Variants in SWT1 observed in about 807,000 individuals in gnomAD.
SWT1 encodes the protein SWT1 RNA endoribonuclease homolog.
A neutral mutation model predicts 107.3 loss-of-function variants in SWT1; 33 were observed. That is an observed-to-expected ratio of 0.31 (90% CI 0.23 to 0.41). The LOEUF (loss-of-function observed/expected upper bound fraction) is 0.41. SWT1 is among the 10% of genes least tolerant of loss of function. The pLI, the probability that SWT1 is intolerant of heterozygous loss-of-function variation, is 1.00. For synonymous variants in SWT1, 345 were observed against 348.3 expected, an observed-to-expected ratio of 0.99 and a Z score of 0.11; for missense variants, 898 against 1,028.9, an observed-to-expected ratio of 0.87 and a Z score of 1.74.
In SWT1 at chr1:185,180,434, A is replaced by G. The variant is rs758502778; in HGVS notation, c.1010A>G (p.Gln337Arg). ...PCCSVSSESIQDADQEMQIVE... is the reference protein window; with the variant it reads ...PCCSVSSESIRDADQEMQIVE... ...TGTTCCGTGTCATCTGAAAGTATCCAGGATGCAGATCAAGAGGTTATTGAT... is the reference window on the plus strand; with the variant it reads ...TGTTCCGTGTCATCTGAAAGTATCCGGGATGCAGATCAAGAGGTTATTGAT... Residue 337 changes from glutamine to arginine, a missense_variant, in exon 6 of 19, where the codon CAG (glutamine) becomes CGG (arginine). Transcript: ENST00000367500. The G allele has an allele frequency of 2.5e-6, 4 of 1,612,494 alleles. No homozygotes were observed. The South Asian group carries it at 3.3e-5, about 13-fold the overall frequency.
chr1:185,237,185 G>A (rs1660945470), intron 16 of SWT1, among the ~76,000 whole-genome samples: 1 of 152,112 alleles, frequency 6.6e-6, no homozygotes, highest in Admixed American at 6.5e-5. Context: ...ATTTGACCCA[G>A]CAATCCCGTT....
At chr1:185,281,430 A>C (rs1160790696) in intron 18 of SWT1, 1 of 212,722 alleles carries the variant, frequency 4.7e-6, no homozygotes, top group Non-Finnish European at 9.7e-6. Context: ...CATCAAAGAC[A>C]CTACCGTGGG....
At chr1:185,208,742 C>CTTT (rs11444869) in intron 13 of SWT1, among the ~76,000 whole-genome samples, 59 of 142,792 alleles carry the variant, frequency 4.1e-4, no homozygotes, top group African/African-American at 1.3e-3. Flanking sequence ...CGATGAATAT[C>CTTT]TTTTTTTTTT....
At chr1:185,267,353 G>T (rs185565083) in intron 16 of SWT1, among the ~76,000 whole-genome samples, 3 of 152,210 alleles carry the variant, frequency 2.0e-5, no homozygotes, top group Non-Finnish European at 4.4e-5. Context: ...TCGCAAAACC[G>T]AATTTAGGGT....
intron 16 of SWT1, among the ~76,000 whole-genome samples, chr1:185,247,322 T>A (rs1335703695): frequency 6.6e-6 from 1 of 152,106 alleles, no homozygotes; most frequent in Non-Finnish European, 1.5e-5. Flanking sequence ...AAGGCACAAT[T>A]TCAGAAGGGA....
chr1:185,206,807 C>T (rs774925859), intron 13 of SWT1, 44 bp downstream of exon 13: 1 of 1,321,124 alleles, frequency 7.6e-7, no homozygotes, highest in Middle Eastern at 2.0e-4. Context: ...TGTATTAAGT[C>T]AGACTAGCAG....
At chr1:185,245,884 T>G (rs935930464) in intron 16 of SWT1, among the ~76,000 whole-genome samples, 1 of 152,060 alleles carries the variant, frequency 6.6e-6, no homozygotes, top group Non-Finnish European at 1.5e-5. Context: ...TTCTCCCACC[T>G]CAGCCTCCCA....
In SWT1 at chr1:185,206,777, A is replaced by T. The variant is rs535261173; in HGVS notation, c.1972+14A>T. The T allele has an allele frequency of 5.9e-5, 93 of 1,566,334 alleles. 1 individual carries two copies. The South Asian group carries it at 9.7e-4, about 16-fold the overall frequency. On this transcript the variant is annotated intron_variant, in intron 13 of 18. Coordinates refer to ENST00000367500, the MANE Select transcript of SWT1 (RefSeq NM_017673.7). ...ATCTCCGTAAAGGTATGAATCTTTT[A>T]TTTTTCTCTTTAGCAGTGTTGTATT...
At chr1:185,252,658 G>A (rs1452131309) in intron 16 of SWT1, among the ~76,000 whole-genome samples, 1 of 152,014 alleles carries the variant, frequency 6.6e-6, no homozygotes, top group Non-Finnish European at 1.5e-5. Flanking sequence ...ATTTGCTTGA[G>A]TTCATTGTAG....
At chr1:185,183,600 A>G (rs1445289121) in intron 7 of SWT1, among the ~76,000 whole-genome samples, 3 of 152,110 alleles carry the variant, frequency 2.0e-5, no homozygotes, top group Non-Finnish European at 4.4e-5. Context: ...TCTTTTACAC[A>G]TATTCATCTT....
intron 16 of SWT1, among the ~76,000 whole-genome samples, chr1:185,268,132 T>C (rs994617533): frequency 4.6e-5 from 7 of 152,190 alleles, no homozygotes; most frequent in Non-Finnish European, 1.0e-4. Flanking sequence ...TCCAACCATC[T>C]TTCAAAATAA....
At chr1:185,259,063 C>G (rs1662834097) in intron 16 of SWT1, among the ~76,000 whole-genome samples, 1 of 152,092 alleles carries the variant, frequency 6.6e-6, no homozygotes, top group Admixed American at 6.5e-5. Flanking sequence ...TAAATCTCTT[C>G]CCAATTAAAA....
intron 1 of SWT1, among the ~76,000 whole-genome samples, chr1:185,159,724 T>A (rs899825520): frequency 3.3e-5 from 5 of 152,124 alleles, no homozygotes; most frequent in Non-Finnish European, 7.4e-5. Flanking sequence ...AATATTTTTT[T>A]ATATTTTTTT....
At chr1:185,216,860 G>A (rs1659255010) in intron 14 of SWT1, among the ~76,000 whole-genome samples, 2 of 151,806 alleles carry the variant, frequency 1.3e-5, no homozygotes, top group African/African-American at 2.4e-5. Context: ...GATGAGGCAG[G>A]AGAATTACCT....
chr1:185,171,397 C>G (rs943529172), intron 4 of SWT1: 2 of 214,144 alleles, frequency 9.3e-6, no homozygotes, highest in African/African-American at 2.4e-5. Flanking sequence ...ATTCATAACC[C>G]CTTTTGCTGT....
In SWT1 at chr1:185,184,824, G is replaced by C. The variant is rs778215456; in HGVS notation, c.1322G>C (p.Arg441Pro). The change falls in exon 9 of 19, where the codon CGT (arginine) becomes CCT (proline). Residue 441 changes from arginine (R) to proline (P), a missense_variant. Around this residue, in one of 6 missense-constraint regions of SWT1, gnomAD observed 34 missense variants for 50.2 expected, o/e 0.68. Coordinates refer to ENST00000367500, the MANE Select transcript of SWT1 (RefSeq NM_017673.7). ...ATGAAGGAAGGAAAACTACTAAAAC[G>C]TGCCCAGCACAAAGCTATACCTGCA... Reference protein sequence around the residue: ...DRMKEGKLLKRAQHKAIPAVH... With the variant: ...DRMKEGKLLKPAQHKAIPAVH... The C allele has an allele frequency of 6.2e-7, 1 of 1,602,854 alleles. No homozygotes were observed. The highest frequency in any genetic ancestry group is 1.3e-5 in the African/African-American group (1 of 74,142).
chr1:185,229,577 G>T (rs1450781375), intron 15 of SWT1, among the ~76,000 whole-genome samples: 1 of 151,680 alleles, frequency 6.6e-6, no homozygotes, highest in Non-Finnish European at 1.5e-5. Flanking sequence ...TTTCCTGGAA[G>T]ATGTTGTTTC....
At chr1:185,178,598 G>T (rs1655762987) in intron 5 of SWT1, among the ~76,000 whole-genome samples, 1 of 152,156 alleles carries the variant, frequency 6.6e-6, no homozygotes, top group African/African-American at 2.4e-5. Flanking sequence ...GGATTGTTCG[G>T]TGGTGGAAAA....
At chr1:185,284,416 A>G (rs920669948) in intron 18 of SWT1, among the ~76,000 whole-genome samples, 2 of 152,240 alleles carry the variant, frequency 1.3e-5, no homozygotes, top group South Asian at 2.1e-4. Context: ...GACAAACTCA[A>G]TGGCGGAAGC....
Sources: gnomAD v4.1 joint callset for allele counts (sites outside exome capture counted in the v4.1 genomes callset) on GRCh38, gnomAD v4.1.1 for gene constraint, gnomAD v4.1.1 regional missense constraint, MANE v1.5 for transcripts, NCBI Gene and HGNC (gene_info 2026-07-23, HGNC 2026-07-21) for gene names.